PDE1A: variants seen among roughly 807,000 people sequenced by gnomAD.
PDE1A encodes dual specificity calcium/calmodulin-dependent 3',5'-cyclic nucleotide phosphodiesterase 1A.
In PDE1A, 35 loss-of-function variants were observed where a neutral mutation model predicts 61.7. The ratio of observed to expected loss-of-function variants is 0.57; its 90% confidence interval spans 0.43 to 0.75. PDE1A has a LOEUF of 0.75. Ranked by LOEUF, PDE1A falls within the 30% of genes least tolerant of loss-of-function variation. The probability of loss-of-function intolerance (pLI) is 0.00; values close to 1 mark genes in which losing one functional copy is unlikely to be tolerated. For synonymous variants in PDE1A, 232 were observed against 213.2 expected, an observed-to-expected ratio of 1.09 and a Z score of -0.77; for missense variants, 597 against 630.6, an observed-to-expected ratio of 0.95 and a Z score of 0.57.
the PDE1A span, among the ~76,000 whole-genome samples, chr2:182,674,596 C>T: frequency 2.0e-5 from 3 of 150,792 alleles, no homozygotes; most frequent in East Asian, 1.9e-4. Flanking sequence ...ATATATACCC[C>T]ACCACCCCAC....
At chr2:182,549,553 T>C in the PDE1A span, among the ~76,000 whole-genome samples, 9 of 152,120 alleles carry the variant, frequency 5.9e-5, no homozygotes, top group African/African-American at 2.2e-4. Context: ...TTTGAACAAA[T>C]TGTGTACTTA....
At chr2:182,700,721 C>CAAAAAAAAAAAAA in the PDE1A span, among the ~76,000 whole-genome samples, 64 of 23,994 alleles carry the variant, frequency 2.7e-3, 9 homozygotes, top group East Asian at 7.1e-3. Context: ...GACTCCATCT[C>CAAAAAAAAAAAAA]AAAAAAAAAA....
At chr2:182,320,580 T>G (rs746522130) in intron 1 of PDE1A, among the ~76,000 whole-genome samples, 1 of 152,204 alleles carries the variant, frequency 6.6e-6, no homozygotes, top group East Asian at 1.9e-4. Flanking sequence ...GGTTTGTAAG[T>G]ATATATTAGC....
rs1559237999 is a variant in PDE1A at position 182,240,156 on chromosome 2, AT to A, written c.303del (p.Lys101AsnfsTer36). On this transcript the variant is annotated frameshift_variant, in exon 3 of 14. Coordinates refer to ENST00000351439, the Ensembl canonical transcript of PDE1A. LOFTEE classifies it high-confidence loss of function. ...TGAACAGCATGCACAATGCTCCGAA[AT>A]TTTGGTTTTTCCTCAGGTTTCTTTT... The A allele has an allele frequency of 1.2e-6, 2 of 1,613,958 alleles. No homozygotes were observed.
chr2:182,513,939 A>G (rs1446030852), intron 2 of PDE1A, among the ~76,000 whole-genome samples: 1 of 152,238 alleles, frequency 6.6e-6, no homozygotes, highest in African/African-American at 2.4e-5. Context: ...ATCCAGATTC[A>G]TAAAACAAGT....
the PDE1A span, among the ~76,000 whole-genome samples, chr2:182,665,103 A>T: frequency 6.6e-6 from 1 of 152,184 alleles, no homozygotes; most frequent in Non-Finnish European, 1.5e-5. Flanking sequence ...ACATATAGAC[A>T]ATTGATAAAA....
chr2:182,157,693 A>G, intron 13 of PDE1A, among the ~76,000 whole-genome samples: 1 of 152,240 alleles, frequency 6.6e-6, no homozygotes, highest in Non-Finnish European at 1.5e-5. Flanking sequence ...TTACAGAAGA[A>G]CAAGTCATCA....
intron 2 of PDE1A, among the ~76,000 whole-genome samples, chr2:182,511,558 G>A (rs1007537995): frequency 1.3e-5 from 2 of 152,182 alleles, no homozygotes; most frequent in African/African-American, 4.8e-5. Flanking sequence ...AGCCTGCACA[G>A]AGCCTGAAGG....
the PDE1A span, among the ~76,000 whole-genome samples, chr2:182,609,377 C>G: frequency 6.6e-6 from 1 of 152,238 alleles, no homozygotes; most frequent in Admixed American, 6.5e-5. Context: ...CCTGGTAACC[C>G]TCTAGAGTCC....
chr2:182,681,739 G>A, the PDE1A span, among the ~76,000 whole-genome samples: 13 of 152,094 alleles, frequency 8.5e-5, no homozygotes, highest in African/African-American at 2.9e-4. Flanking sequence ...TCCACCTTCC[G>A]GGTTCCCACT....
chr2:182,381,887 GT>G (rs1700759367), intron 1 of PDE1A, among the ~76,000 whole-genome samples: 1 of 151,714 alleles, frequency 6.6e-6, no homozygotes, highest in Non-Finnish European at 1.5e-5. Flanking sequence ...ATTTAGATAT[GT>G]TTTAATTTTT....
At chr2:182,160,001 T>C (rs1318398044) in intron 13 of PDE1A, among the ~76,000 whole-genome samples, 1 of 152,154 alleles carries the variant, frequency 6.6e-6, no homozygotes, top group Admixed American at 6.6e-5. Flanking sequence ...CTAAACACTT[T>C]ATATACATTG....
At chr2:182,247,428 G>T (rs1044100742) in intron 2 of PDE1A, among the ~76,000 whole-genome samples, 9 of 152,170 alleles carry the variant, frequency 5.9e-5, no homozygotes, top group African/African-American at 2.2e-4. Flanking sequence ...TTGGAGAGAA[G>T]AAAGTTGAAA....
At chr2:182,180,546 T>C (rs1437623638) in intron 13 of PDE1A, among the ~76,000 whole-genome samples, 1 of 152,166 alleles carries the variant, frequency 6.6e-6, no homozygotes, top group East Asian at 1.9e-4. Flanking sequence ...CCTTGGAGAA[T>C]CTGAAAATTA....
chr2:182,247,055 T>C (rs992359619), intron 2 of PDE1A, among the ~76,000 whole-genome samples: 1 of 152,234 alleles, frequency 6.6e-6, no homozygotes, highest in African/African-American at 2.4e-5. Flanking sequence ...TAATCAAATT[T>C]ATTGCTGCTT....
downstream of PDE1A, among the ~76,000 whole-genome samples, chr2:182,145,405 T>C (rs758922109): frequency 6.6e-6 from 1 of 152,068 alleles, no homozygotes; most frequent in Non-Finnish European, 1.5e-5. Context: ...GGCTTAAATA[T>C]TATATTTACT....
chr2:182,570,963 T>C, the PDE1A span, among the ~76,000 whole-genome samples: 2 of 152,322 alleles, frequency 1.3e-5, no homozygotes, highest in Non-Finnish European at 1.5e-5. Context: ...ACCTAGCTCA[T>C]TGAGTTGATA....
At chr2:182,524,179 C>T (rs1441818405), upstream of PDE1A, among the ~76,000 whole-genome samples, 2 of 152,128 alleles carry the variant, frequency 1.3e-5, no homozygotes, top group Non-Finnish European at 2.9e-5. Flanking sequence ...TAGCTATATT[C>T]ATGTAATAAA....
intron 4 of PDE1A, among the ~76,000 whole-genome samples, chr2:182,233,296 G>A (rs1237680361): frequency 6.6e-6 from 1 of 152,116 alleles, no homozygotes; most frequent in Non-Finnish European, 1.5e-5. Flanking sequence ...TACAGACTGA[G>A]TTGGGGTTGG....
Sources: allele counts gnomAD v4.1 joint callset (sites outside exome capture counted in the v4.1 genomes callset), GRCh38; gene constraint gnomAD v4.1.1; transcripts MANE v1.5; gene names NCBI Gene and HGNC (gene_info 2026-07-23, HGNC 2026-07-21).